Variants in PPM1A observed in about 807,000 individuals in gnomAD.
PPM1A encodes protein phosphatase 1A.
A neutral mutation model predicts 35.0 loss-of-function variants in PPM1A; 7 were observed. The observed-to-expected ratio is 0.20, with a 90% CI of 0.11 to 0.38. The LOEUF is 0.38. Among genes scored for constraint, PPM1A ranks in the 10% least tolerant of loss-of-function variants. The probability of loss-of-function intolerance (pLI) is 1.00; values close to 1 mark genes in which losing one functional copy is unlikely to be tolerated. For missense variants in PPM1A, 239 were observed against 467.8 expected, an observed-to-expected ratio of 0.51 and a Z score of 4.51; for synonymous variants, 153 against 167.3, an observed-to-expected ratio of 0.91 and a Z score of 0.66.
upstream of PPM1A, chr14:60,248,835 G>C (rs1405073922): frequency 1.3e-5 from 2 of 152,448 alleles, no homozygotes; most frequent in Admixed American, 6.5e-5. Context: ...CCAAGGGCCG[G>C]CACGGAGGGG....
rs1888195047 is a variant in PPM1A, at chr14:60,298,063, TA to T, written c.*5587del. ...GAATCTGACATTAAAATATACTTTT[TA>T]AAAAATATTATATTTGGGGTGGGGA... On this transcript the variant is annotated 3_prime_UTR_variant, in exon 6 of 6. Transcript: ENST00000395076. The T allele has an allele frequency of 6.6e-6, 1 of 151,444 alleles. No individual in the cohort carries two copies. The highest frequency in any genetic ancestry group is 2.4e-5 in the African/African-American group (1 of 41,320). The allele number at this position is 151,444 out of a possible 1,614,324, so 9.4% of individuals were successfully genotyped here. A position where few individuals can be genotyped will look rare whatever the true frequency, so the allele number is the denominator to read the frequency against.
At chr14:60,270,831 CTT>C (rs1376065691) in intron 1 of PPM1A, among the ~76,000 whole-genome samples, 1 of 152,186 alleles carries the variant, frequency 6.6e-6, no homozygotes, top group Non-Finnish European at 1.5e-5. Context: ...TGATTTGTCT[CTT>C]GATGCTTGTT....
chr14:60,265,915 A>G lies in PPM1A; in HGVS notation c.-21+16238A>G, dbSNP rs1547174. Among the ~76,000 whole-genome samples the G allele has an allele frequency of 3.9e-5, 6 of 152,336 alleles. No homozygotes were observed. The East Asian group carries it at 5.8e-4, about 15-fold the overall frequency. ...ACTGGTTATTACTGTCACAATGACA[A>G]TTCAATTTCAACATGAGTTTTGGAG... On this transcript the variant is annotated intron_variant, in intron 1 of 5. Transcript: ENST00000395076.
At chr14:60,280,409 T>A (rs1886269543) in intron 1 of PPM1A, among the ~76,000 whole-genome samples, 1 of 152,274 alleles carries the variant, frequency 6.6e-6, no homozygotes, top group Non-Finnish European at 1.5e-5. Flanking sequence ...CCCACATTGG[T>A]CTAATTTCAT....
At chr14:60,291,333 T>C in intron 4 of PPM1A, 64 bp from the exon 5 acceptor site, 6 of 1,139,628 alleles carry the variant, frequency 5.3e-6, no homozygotes, top group Non-Finnish European at 7.6e-6. Context: ...AACACCTGGC[T>C]ATGAGTTACT....
intron 1 of PPM1A, among the ~76,000 whole-genome samples, chr14:60,255,973 C>T (rs1258641322): frequency 6.6e-6 from 1 of 152,168 alleles, no homozygotes; most frequent in East Asian, 1.9e-4. Context: ...ATTGTGGAAT[C>T]ACAGGAATTA....
intron 1 of PPM1A, among the ~76,000 whole-genome samples, chr14:60,277,750 C>G (rs549448246): frequency 6.6e-6 from 1 of 152,164 alleles, no homozygotes; most frequent in East Asian, 1.9e-4. Flanking sequence ...CTGACTGCCT[C>G]ATTTTTGCCA....
intron 1 of PPM1A, among the ~76,000 whole-genome samples, chr14:60,259,682 A>G (rs890031379): frequency 1.3e-5 from 2 of 152,084 alleles, no homozygotes; most frequent in Admixed American, 6.5e-5. Flanking sequence ...GAGATTGTAA[A>G]TGCTAAAAGA....
In PPM1A at chr14:60,289,756, T is replaced by A. The variant is rs776581443; in HGVS notation, c.953-50T>A. 3.2e-6 allele frequency: 4 copies of A among 1,252,656 alleles called. No individual in the cohort carries two copies. Among genetic ancestry groups the A allele is most frequent in the Non-Finnish European group, 4.6e-6 (4 of 868,676 alleles). 77.6% of individuals were successfully genotyped at this position (1,252,656 alleles called of 1,614,324 possible). ...AGGTTATCTTTGTTTCGGTTTTCTT[T>A]TCAATTAAATTTGGATAACACTTAC... On this transcript the variant is annotated intron_variant, in intron 3 of 5. Coordinates refer to ENST00000395076, the MANE Select transcript of PPM1A (RefSeq NM_021003.5). The surrounding 1 kb of genome is among the most constrained non-coding windows in gnomAD (Gnocchi z 4.1).
chr14:60,246,916 C>T (rs553152078), upstream of PPM1A, among the ~76,000 whole-genome samples: 98 of 152,244 alleles, frequency 6.4e-4, 3 homozygotes, highest in Non-Finnish European at 1.9e-4. Context: ...CTACAATTGA[C>T]CCAGATTCTC....
chr14:60,281,060 TGAA>T (rs1260149064), intron 1 of PPM1A, among the ~76,000 whole-genome samples: 5 of 152,174 alleles, frequency 3.3e-5, no homozygotes, highest in African/African-American at 9.7e-5. Flanking sequence ...AGAGAGTTGT[TGAA>T]GAGATTAAAT....
Position 60,251,613 on chromosome 14 carries a change from A to AT in PPM1A, c.-21+1945dup, listed in dbSNP as rs532000496. 5.9e-5 allele frequency among the ~76,000 whole-genome samples: 9 copies of AT among 152,032 alleles called. No homozygotes were observed. In the East Asian group the frequency reaches 7.7e-4, roughly 13 times the overall value. ...TACTGTCCAGTTACTACATTTAAAAATTTTTTTTTATCAATATTGTGTGTC... is the reference window on the plus strand; with the variant it reads ...TACTGTCCAGTTACTACATTTAAAAATTTTTTTTTTATCAATATTGTGTGTC... On this transcript the variant is annotated intron_variant, in intron 1 of 5. Transcript: ENST00000395076.
At chr14:60,271,158 G>C (rs10150441) in intron 1 of PPM1A, among the ~76,000 whole-genome samples, 58,738 of 151,812 alleles carry the variant, frequency 0.39, 12,977 homozygotes, top group African/African-American at 0.61. Context: ...CACATCACTC[G>C]AATCTTTAAG....
chr14:60,257,813 T>C (rs1202456246), intron 1 of PPM1A, among the ~76,000 whole-genome samples: 1 of 138,670 alleles, frequency 7.2e-6, no homozygotes, highest in Non-Finnish European at 1.6e-5. Context: ...GGGATGGCTA[T>C]ATATTTTTTT....
chr14:60,286,285 A>C, intron 3 of PPM1A: 1 of 985,874 alleles, frequency 1.0e-6, no homozygotes, highest in African/African-American at 1.7e-5. Context: ...CACCTAAACA[A>C]GATAGACCTC....
At chr14:60,272,042 A>ATTT (rs562962307) in intron 1 of PPM1A, among the ~76,000 whole-genome samples, 5 of 136,796 alleles carry the variant, frequency 3.7e-5, no homozygotes, top group African/African-American at 1.1e-4. Context: ...AGGTATTTCC[A>ATTT]TTTTTTTTTT....
intron 3 of PPM1A, chr14:60,288,499 T>A: frequency 2.0e-5 from 20 of 984,218 alleles, no homozygotes; most frequent in Non-Finnish European, 2.3e-5. Context: ...TAGAACCATG[T>A]AGAACAAATA....
rs901910241 is a variant in PPM1A at position 60,283,995 on chromosome 14, C to T, written c.834+458C>T. ...AAAGAGGAATGTAGTGATCATTAGA[C>T]GTGATGTAATAGAAATAGCCTTGTA... On this transcript the variant is annotated intron_variant, in intron 2 of 5. Transcript: ENST00000395076. This position sits in a 1 kb window ranked among gnomAD's most constrained non-coding sequence, Gnocchi z 6.3. Among the ~76,000 whole-genome samples the T allele has an allele frequency of 6.6e-6, 1 of 152,206 alleles. No individual in the cohort carries two copies. The highest frequency in any genetic ancestry group is 2.4e-5 in the African/African-American group (1 of 41,450).
At chr14:60,252,568 T>G (rs1272935038) in intron 1 of PPM1A, among the ~76,000 whole-genome samples, 1 of 152,210 alleles carries the variant, frequency 6.6e-6, no homozygotes. Flanking sequence ...GTAAAAGTTG[T>G]GTCTTCCTCT....
Sources: allele counts gnomAD v4.1 joint callset (sites outside exome capture counted in the v4.1 genomes callset), GRCh38; gene constraint gnomAD v4.1.1; non-coding constraint Gnocchi (gnomAD v3.1); transcripts MANE v1.5; gene names NCBI Gene and HGNC (gene_info 2026-07-23, HGNC 2026-07-21).